Variants in CA10 observed in about 807,000 individuals in gnomAD.
CA10 encodes the protein carbonic anhydrase-related protein 10.
CA10 carries 14 observed loss-of-function variants against 44.2 expected under a neutral mutation model. The observed-to-expected ratio is 0.32, with a 90% CI of 0.21 to 0.50. The LOEUF is 0.50. CA10 is among the 20% of genes least tolerant of loss of function. CA10 has a pLI of 0.99. For missense variants in CA10, 350 were observed against 409.7 expected, an observed-to-expected ratio of 0.85 and a Z score of 1.26; for synonymous variants, 159 against 141.6, an observed-to-expected ratio of 1.12 and a Z score of -0.87.
At chr17:51,868,904 TA>T (rs1195852622) in intron 3 of CA10, among the ~76,000 whole-genome samples, 1 of 150,912 alleles carries the variant, frequency 6.6e-6, no homozygotes, top group Non-Finnish European at 1.5e-5. Context: ...TTTTTTTTTT[TA>T]CAAAAGATGT....
chr17:51,665,201 C>A (rs181932593), intron 4 of CA10, among the ~76,000 whole-genome samples: 376 of 152,278 alleles, frequency 2.5e-3, no homozygotes, highest in Non-Finnish European at 3.6e-3. Flanking sequence ...GTTTTGTACA[C>A]ATTAATTGCA....
chr17:51,633,669 C>T lies in CA10; in HGVS notation c.790-19G>A. On this transcript the variant is annotated intron_variant, in intron 7 of 8. Coordinates refer to ENST00000451037, the MANE Select transcript of CA10 (RefSeq NM_020178.5). ...AATGCATCTGAGGAGAGAGAAGTGGCCGTGAGATCCAACCATCCTCTTAAA... is the reference window on the plus strand; with the variant it reads ...AATGCATCTGAGGAGAGAGAAGTGGTCGTGAGATCCAACCATCCTCTTAAA... 2 of 1,604,750 alleles carry T rather than the reference C, an allele frequency of 1.2e-6. No homozygotes were observed. The highest frequency in any genetic ancestry group is 1.7e-6 in the Non-Finnish European group (2 of 1,174,922).
intron 2 of CA10, among the ~76,000 whole-genome samples, chr17:52,042,909 G>A (rs965275760): frequency 4.6e-5 from 7 of 151,958 alleles, no homozygotes; most frequent in African/African-American, 1.7e-4. Flanking sequence ...TGAGTGATGT[G>A]CATAGGTTTA....
At chr17:52,087,642 G>A (rs1465812853) in intron 1 of CA10, among the ~76,000 whole-genome samples, 1 of 152,182 alleles carries the variant, frequency 6.6e-6, no homozygotes, top group Admixed American at 6.5e-5. Context: ...CTGCCGGAAT[G>A]AGTTGTATTA....
chr17:51,707,431 T>C (rs1263970), intron 4 of CA10, among the ~76,000 whole-genome samples: 123,596 of 152,046 alleles, frequency 0.81, 50,544 homozygotes, highest in Admixed American at 0.87. Context: ...AAATATTTGG[T>C]TACTCACCTC....
At chr17:51,853,868 A>G (rs1978916594) in intron 3 of CA10, among the ~76,000 whole-genome samples, 3 of 152,146 alleles carry the variant, frequency 2.0e-5, no homozygotes, top group South Asian at 2.1e-4. Flanking sequence ...CCCTTCTGCC[A>G]TGATTGTAAG....
chr17:51,648,582 C>T (rs537491830), intron 6 of CA10, among the ~76,000 whole-genome samples: 4 of 152,312 alleles, frequency 2.6e-5, no homozygotes, highest in South Asian at 4.1e-4. Flanking sequence ...CTGGAGATGA[C>T]AGCAGCATCT....
intron 1 of CA10, among the ~76,000 whole-genome samples, chr17:52,130,787 T>C (rs963680909): frequency 1.3e-5 from 2 of 152,108 alleles, no homozygotes; most frequent in Non-Finnish European, 2.9e-5. Flanking sequence ...AGCCTCAGAC[T>C]CTTGGGCTCA....
At chr17:52,108,742 A>G (rs1988726856) in intron 1 of CA10, among the ~76,000 whole-genome samples, 2 of 147,608 alleles carry the variant, frequency 1.4e-5, no homozygotes, top group Non-Finnish European at 1.5e-5. Flanking sequence ...TGATGCAATG[A>G]GATTTGAGGA....
At chr17:51,823,999 TA>T (rs1907916356) in intron 3 of CA10, among the ~76,000 whole-genome samples, 1 of 152,218 alleles carries the variant, frequency 6.6e-6, no homozygotes, top group Admixed American at 6.5e-5. Flanking sequence ...TTACCATAAC[TA>T]GGCTACATGA....
At chr17:52,056,370 G>A (rs1363228936) in intron 2 of CA10, among the ~76,000 whole-genome samples, 1 of 152,040 alleles carries the variant, frequency 6.6e-6, no homozygotes, top group Non-Finnish European at 1.5e-5. Context: ...AAGAAGTCAT[G>A]AAGCGGGTTG....
intron 3 of CA10, among the ~76,000 whole-genome samples, chr17:51,928,478 A>G (rs551022745): frequency 6.6e-6 from 1 of 152,316 alleles, no homozygotes; most frequent in South Asian, 2.1e-4. Context: ...CAGGTCAAAT[A>G]TGTTAAAATA....
intron 1 of CA10, among the ~76,000 whole-genome samples, chr17:52,152,812 T>C (rs1488196923): frequency 6.6e-6 from 1 of 152,068 alleles, no homozygotes. Flanking sequence ...CTCTCTGAAG[T>C]TTCCCTCAGC....
At chr17:51,827,332 G>GCA (rs35515561) in intron 3 of CA10, among the ~76,000 whole-genome samples, 16,894 of 147,686 alleles carry the variant, frequency 0.11, 1,430 homozygotes, top group African/African-American at 0.24. Context: ...AGAGAAACAC[G>GCA]CACACACACA....
chr17:51,974,227 T>C (rs1224687328), intron 2 of CA10, among the ~76,000 whole-genome samples: 1 of 151,468 alleles, frequency 6.6e-6, no homozygotes, highest in Non-Finnish European at 1.5e-5. Flanking sequence ...CTACTAAAAA[T>C]ACAAAAATTA....
intron 1 of CA10, among the ~76,000 whole-genome samples, chr17:52,141,352 G>C (rs1366448798): frequency 6.6e-6 from 1 of 152,206 alleles, no homozygotes; most frequent in Non-Finnish European, 1.5e-5. Flanking sequence ...AGTCAAGACA[G>C]TTCTGAGGTT....
intron 3 of CA10, among the ~76,000 whole-genome samples, chr17:51,878,547 C>G (rs564177539): frequency 6.6e-6 from 1 of 151,918 alleles, no homozygotes; most frequent in South Asian, 2.1e-4. Context: ...GGCAGACAGA[C>G]CTGAGGAAGA....
At chr17:51,949,263 C>T (rs1163268216) in intron 2 of CA10, among the ~76,000 whole-genome samples, 1 of 152,106 alleles carries the variant, frequency 6.6e-6, no homozygotes, top group East Asian at 1.9e-4. Context: ...TTCAAAGGCA[C>T]ACATGCTACT....
intron 2 of CA10, among the ~76,000 whole-genome samples, chr17:52,021,662 T>C (rs1410648622): frequency 6.6e-6 from 1 of 151,842 alleles, no homozygotes; most frequent in Non-Finnish European, 1.5e-5. Flanking sequence ...ACTAGCTAGA[T>C]TAACAAAGGA....
Sources: gnomAD v4.1 joint callset for allele counts (sites outside exome capture counted in the v4.1 genomes callset) on GRCh38, gnomAD v4.1.1 for gene constraint, MANE v1.5 for transcripts, NCBI Gene and HGNC (gene_info 2026-07-23, HGNC 2026-07-21) for gene names.